Variants in GYG2 observed in about 807,000 individuals in gnomAD.
The protein encoded by GYG2 is glycogenin 2.
Under a neutral mutation model 29.4 loss-of-function variants are expected in GYG2, and 29 were observed. That is an observed-to-expected ratio of 0.99 (90% CI 0.74 to 1.35). GYG2 has a LOEUF of 1.35. Ranked by LOEUF, GYG2 falls within the 40% of genes most tolerant of loss-of-function variation. GYG2 has a pLI of 0.00. For missense variants in GYG2, 370 were observed against 385.7 expected (o/e 0.96, Z 0.34); for synonymous variants, 167 against 172.3 (o/e 0.97, Z 0.24).
rs757357165 is a variant in GYG2, at chrX:2,856,541, G to A, written c.531G>A (p.Ser177=). 31 of 1,201,281 alleles carry A rather than the reference G, an allele frequency of 2.6e-5. No homozygotes were observed. Among genetic ancestry groups the A allele is most frequent in the Non-Finnish European group, 3.5e-5 (31 of 888,372 alleles). ...GLLNSFFRNW[S]TTDIHKHLPF... is the part of the protein sequence containing the mutation. ...TGAATAGTTTCTTCAGGAACTGGTC[G>A]ACCACAGACATCCACAAGCACCTGC... Residue 177 remains serine (S), a synonymous_variant, in exon 6 of 11, where the codon TCG becomes TCA. Coordinates refer to ENST00000398806, the MANE Select transcript of GYG2 (RefSeq NM_001079855.2).
At chrX:2,880,022 GAT>G (rs1313395574) in intron 10 of GYG2, among the ~76,000 whole-genome samples, 3 of 111,573 alleles carry the variant, frequency 2.7e-5, no homozygotes, top group African/African-American at 9.8e-5. Flanking sequence ...ATAGATGATA[GAT>G]AGATAGATAG....
At chrX:2,853,296 C>T (rs1229851616) in intron 3 of GYG2, among the ~76,000 whole-genome samples, 9 of 110,873 alleles carry the variant, frequency 8.1e-5, no homozygotes, top group East Asian at 2.8e-4. Context: ...GTGCAATCTC[C>T]GCCTCCCGGG....
intron 10 of GYG2, among the ~76,000 whole-genome samples, chrX:2,879,902 G>A (rs778241675): frequency 1.8e-5 from 2 of 110,750 alleles, no homozygotes; most frequent in African/African-American, 3.3e-5. Context: ...AAATAGAATG[G>A]ATGGACAGAT....
chrX:2,877,177 A>T, intron 9 of GYG2, 23 bp from the exon 10 acceptor site: 2 of 1,204,787 alleles, frequency 1.7e-6, no homozygotes, highest in Non-Finnish European at 2.2e-6. Flanking sequence ...CCGCAGACTA[A>T]TGATGGAATG....
At chrX:2,863,353 C>G (rs899435790) in intron 8 of GYG2, among the ~76,000 whole-genome samples, 3 of 111,575 alleles carry the variant, frequency 2.7e-5, no homozygotes, top group African/African-American at 9.8e-5. Context: ...GGATTACAGG[C>G]GTGAACCACC....
At chrX:2,844,630 G>A (rs1312003544) in intron 3 of GYG2, among the ~76,000 whole-genome samples, 1 of 11,837 alleles carries the variant, frequency 8.4e-5, no homozygotes, top group Non-Finnish European at 1.3e-4. Flanking sequence ...ATACGCACAC[G>A]CATGCGTATA....
At chrX:2,829,539 G>A (rs1205459355) in intron 1 of GYG2, among the ~76,000 whole-genome samples, 1 of 99,396 alleles carries the variant, frequency 1.0e-5, no homozygotes, top group Admixed American at 1.0e-4. Flanking sequence ...AGAGGCGCAG[G>A]GGTAGGCCGG....
intron 2 of GYG2, chrX:2,842,970 G>A (rs779357748): frequency 2.0e-5 from 8 of 408,444 alleles, no homozygotes; most frequent in African/African-American, 7.4e-5. Flanking sequence ...CTGCCACCAC[G>A]CCCAGCTAAT....
rs893543253 is a variant in GYG2, at chrX:2,882,304, T to C, written c.*1091T>C. Reference sequence around the variant, plus strand: ...ACTTTTGAAATGTTTGGAAGGTTTATTTCTCATGCACATTCCAGGGAAAAG... The same window carrying C: ...ACTTTTGAAATGTTTGGAAGGTTTACTTCTCATGCACATTCCAGGGAAAAG... On this transcript the variant is annotated 3_prime_UTR_variant, in exon 11 of 11. Transcript: ENST00000398806. 1 of 110,462 alleles carries C rather than the reference T, an allele frequency of 9.1e-6. No homozygotes were observed. Among genetic ancestry groups the C allele is most frequent in the African/African-American group, 3.3e-5 (1 of 30,287 alleles). 9.1% of individuals were successfully genotyped at this position (110,462 alleles called of 1,213,427 possible).
At chrX:2,851,017 A>G (rs1379567805) in intron 3 of GYG2, among the ~76,000 whole-genome samples, 2 of 112,009 alleles carry the variant, frequency 1.8e-5, no homozygotes, top group Non-Finnish European at 3.8e-5. Context: ...CAATCCAAAT[A>G]TAACCGTGAT....
At chrX:2,868,478 G>A (rs924821734) in intron 8 of GYG2, among the ~76,000 whole-genome samples, 4 of 103,140 alleles carry the variant, frequency 3.9e-5, no homozygotes, top group African/African-American at 1.4e-4. Context: ...AAAAAAAAAA[G>A]GTATTTTGGA....
chrX:2,855,221 C>T (rs1438623436), intron 5 of GYG2, 66 bp downstream of exon 5: 9 of 969,430 alleles, frequency 9.3e-6, no homozygotes, highest in Non-Finnish European at 8.7e-6. Context: ...AGATGTAACA[C>T]GAAGTCAGCC....
chrX:2,857,405 G>C (rs200662971), intron 6 of GYG2, among the ~76,000 whole-genome samples: 1 of 5,994 alleles, frequency 1.7e-4, no homozygotes, highest in African/African-American at 2.0e-4. Flanking sequence ...CATCCATATA[G>C]ATATCTATAT....
intron 8 of GYG2, among the ~76,000 whole-genome samples, chrX:2,862,422 C>T (rs149574970): frequency 0.032 from 3,534 of 111,374 alleles, 134 homozygotes; most frequent in African/African-American, 0.11. Context: ...CTCAGTCTCT[C>T]GCAGTTTACA....
rs1327977924 is a variant in GYG2, at chrX:2,859,854, G to A, written c.626G>A (p.Ser209Asn). The change falls in exon 7 of 11, where the codon AGT becomes AAT. Residue 209 changes from serine to asparagine, a missense_variant. Transcript: ENST00000398806. Reference protein sequence around the residue: ...YSPAFKQFGSSAKVVHFLGSM... With the variant: ...YSPAFKQFGSNAKVVHFLGSM... ...TGTTTCCTTCTCAGATTCGGTTCCA[G>A]TGCAAAGGTCGTCCACTTTTTGGGG... 3 of 1,191,572 alleles carry A rather than the reference G, an allele frequency of 2.5e-6. No homozygotes were observed. Among genetic ancestry groups the A allele is most frequent in the Non-Finnish European group, 3.4e-6 (3 of 878,110 alleles).
chrX:2,852,526 G>C (rs1303167030), intron 3 of GYG2, among the ~76,000 whole-genome samples: 1 of 111,856 alleles, frequency 8.9e-6, no homozygotes, highest in African/African-American at 3.2e-5. Context: ...TGATAAAATG[G>C]ACAGTCTTTC....
intron 3 of GYG2, among the ~76,000 whole-genome samples, chrX:2,847,445 T>C (rs1167024562): frequency 9.4e-6 from 1 of 106,847 alleles, no homozygotes; most frequent in African/African-American, 3.4e-5. Flanking sequence ...TCCCAACACT[T>C]TGGGAGGCTG....
intron 8 of GYG2, among the ~76,000 whole-genome samples, chrX:2,868,638 A>G (rs750084416): frequency 9.1e-6 from 1 of 109,689 alleles, no homozygotes; most frequent in South Asian, 4.0e-4. Flanking sequence ...ATTTTTCTAA[A>G]AGCAATGAAG....
chrX:2,849,555 G>A (rs992674179), intron 3 of GYG2, among the ~76,000 whole-genome samples: 1 of 111,874 alleles, frequency 8.9e-6, no homozygotes, highest in Non-Finnish European at 1.9e-5. Context: ...CTCAAATGTA[G>A]ACACCAAGTG....
Sources: allele counts gnomAD v4.1 joint callset (sites outside exome capture counted in the v4.1 genomes callset), GRCh38; gene constraint gnomAD v4.1.1; transcripts MANE v1.5; gene names NCBI Gene and HGNC (gene_info 2026-07-23, HGNC 2026-07-21).